SORCS2: variants seen among roughly 807,000 people sequenced by gnomAD.
The protein encoded by SORCS2 is sortilin related VPS10 domain containing receptor 2.
A neutral mutation model predicts 141.6 loss-of-function variants in SORCS2; 100 were observed. The observed-to-expected ratio is 0.71, with a 90% CI of 0.60 to 0.83. The LOEUF (loss-of-function observed/expected upper bound fraction) is 0.83, where lower values mean the gene tolerates loss of function less well. SORCS2 is among the 40% of genes least tolerant of loss of function. The probability of loss-of-function intolerance (pLI) is 0.00; values close to 1 mark genes in which losing one functional copy is unlikely to be tolerated. For missense variants in SORCS2, 1,646 were observed against 1,560.2 expected (o/e 1.05, Z -0.93); for synonymous variants, 789 against 676.9 (o/e 1.17, Z -2.57).
At chr4:7,523,091 C>T (rs1422618234) in intron 2 of SORCS2, among the ~76,000 whole-genome samples, 1 of 149,766 alleles carries the variant, frequency 6.7e-6, no homozygotes, top group African/African-American at 2.5e-5. Flanking sequence ...TCCCATTTCC[C>T]TCCTCCCTCT....
chr4:7,199,501 C>G (rs757193069), intron 1 of SORCS2, among the ~76,000 whole-genome samples: 4 of 152,082 alleles, frequency 2.6e-5, no homozygotes, highest in Non-Finnish European at 4.4e-5. Context: ...TGGCCATTGC[C>G]TGTGCTGTGA....
chr4:7,591,686 A>G (rs910350788), intron 3 of SORCS2, among the ~76,000 whole-genome samples: 6 of 152,114 alleles, frequency 3.9e-5, no homozygotes. Flanking sequence ...GTTAGCTCTG[A>G]AGAAAACCCC....
intron 4 of SORCS2, 61 bp downstream of exon 4, chr4:7,638,553 GA>G: frequency 6.6e-7 from 1 of 1,525,658 alleles, no homozygotes; most frequent in Non-Finnish European, 8.8e-7. Flanking sequence ...GACCCACCTG[GA>G]GGTGAGTGCC....
At position 7,723,575 on chromosome 4, in the gene SORCS2, C is replaced by A. The variant is rs575758510; in HGVS notation, c.2425-122C>A. 14 of 1,130,316 alleles carry A rather than the reference C, an allele frequency of 1.2e-5. 1 individual carries two copies. In the South Asian group the frequency reaches 1.7e-4, roughly 14 times the overall value. 70.0% of individuals were successfully genotyped at this position (1,130,316 alleles called of 1,614,324 possible). A position where few individuals can be genotyped will look rare whatever the true frequency, so the allele number is the denominator to read the frequency against. On this transcript the variant is annotated intron_variant, in intron 18 of 26. Transcript: ENST00000507866. The stretch of plus-strand genomic sequence containing the variant: ...CTCCTGTGGGTCCCCAGAGCCCACT[C>A]ATGTCAAGGAAGGGAGGGCGGCAAT...
intron 2 of SORCS2, among the ~76,000 whole-genome samples, chr4:7,486,707 C>A (rs1165537989): frequency 6.6e-6 from 1 of 152,166 alleles, no homozygotes. Flanking sequence ...AAAGGAGGAT[C>A]CCTCCTGGCT....
chr4:7,297,506 C>T (rs1332529340), intron 1 of SORCS2, among the ~76,000 whole-genome samples: 1 of 152,130 alleles, frequency 6.6e-6, no homozygotes, highest in Non-Finnish European at 1.5e-5. Flanking sequence ...TCCAGACAGC[C>T]TGGGCCCTGG....
At chr4:7,543,449 A>T (rs566191552) in intron 3 of SORCS2, among the ~76,000 whole-genome samples, 1 of 128,610 alleles carries the variant, frequency 7.8e-6, no homozygotes, top group Non-Finnish European at 1.7e-5. Flanking sequence ...CCACTCATCC[A>T]TCCATCCATC....
chr4:7,378,398 CAT>C (rs60298251), intron 1 of SORCS2, among the ~76,000 whole-genome samples: 17,120 of 152,126 alleles, frequency 0.11, 1,788 homozygotes, highest in East Asian at 0.61. Context: ...TACAGTTCCA[CAT>C]GGCTGGGGAG....
chr4:7,528,344 G>A (rs1014108594), intron 2 of SORCS2, among the ~76,000 whole-genome samples: 2 of 151,954 alleles, frequency 1.3e-5, no homozygotes, highest in African/African-American at 4.8e-5. Flanking sequence ...GATATCTGAG[G>A]AATTGGGTTT....
At chr4:7,640,311 TG>T (rs1226626154) in intron 4 of SORCS2, among the ~76,000 whole-genome samples, 86 of 149,428 alleles carry the variant, frequency 5.8e-4, no homozygotes, top group Non-Finnish European at 5.5e-4. Flanking sequence ...CATGAGTGTG[TG>T]GGTGTGTATG....
At chr4:7,571,903 A>G (rs935500797) in intron 3 of SORCS2, among the ~76,000 whole-genome samples, 5 of 152,196 alleles carry the variant, frequency 3.3e-5, no homozygotes, top group Non-Finnish European at 5.9e-5. Context: ...CAGAGCTGAC[A>G]CTTAGCTGCT....
At chr4:7,325,682 A>G (rs1331007993) in intron 1 of SORCS2, among the ~76,000 whole-genome samples, 1 of 152,194 alleles carries the variant, frequency 6.6e-6, no homozygotes, top group East Asian at 1.9e-4. Flanking sequence ...GCCCCTTGGC[A>G]GGGCTTTTCC....
intron 2 of SORCS2, among the ~76,000 whole-genome samples, chr4:7,491,305 GTGGTGCTGGGTGGCCCTGAGGCTGCAC>G (rs1305718182): frequency 6.6e-6 from 1 of 152,186 alleles, no homozygotes; most frequent in Non-Finnish European, 1.5e-5. Flanking sequence ...GAAGCCAGTT[GTGGTGCTGGGTGGCCCTGAGGCTGCAC>G]TGGGCTGGGG....
At chr4:7,331,520 C>T (rs55931784) in intron 1 of SORCS2, among the ~76,000 whole-genome samples, 25,383 of 152,054 alleles carry the variant, frequency 0.17, 2,692 homozygotes, top group East Asian at 0.38. Context: ...TCAGTTCAGC[C>T]ACAGGTGGGA....
At chr4:7,499,172 A>G (rs1400227272) in intron 2 of SORCS2, among the ~76,000 whole-genome samples, 1 of 151,790 alleles carries the variant, frequency 6.6e-6, no homozygotes, top group Non-Finnish European at 1.5e-5. Flanking sequence ...ATGTGAGTGC[A>G]TGTATGTGTA....
chr4:7,673,134 A>G (rs939219208), intron 8 of SORCS2, among the ~76,000 whole-genome samples: 1 of 152,252 alleles, frequency 6.6e-6, no homozygotes, highest in African/African-American at 2.4e-5. Flanking sequence ...CCTGTTATTT[A>G]TAACTCTAAT....
intron 1 of SORCS2, among the ~76,000 whole-genome samples, chr4:7,393,048 C>T (rs1723966551): frequency 6.6e-6 from 1 of 152,148 alleles, no homozygotes; most frequent in Admixed American, 6.5e-5. Flanking sequence ...ACTGCCTTCC[C>T]CACGGCCGGG....
intron 1 of SORCS2, among the ~76,000 whole-genome samples, chr4:7,287,867 C>T (rs1432609725): frequency 8.5e-5 from 13 of 152,206 alleles, no homozygotes; most frequent in Admixed American, 7.2e-4. Flanking sequence ...GCTGTTTCTT[C>T]CGCTATGGTA....
intron 3 of SORCS2, among the ~76,000 whole-genome samples, chr4:7,571,708 A>G (rs577462055): frequency 1.7e-4 from 26 of 152,252 alleles, no homozygotes; most frequent in Non-Finnish European, 3.4e-4. Context: ...CTAGCAGAGC[A>G]TGTCACCAGG....
Sources: allele counts gnomAD v4.1 joint callset (sites outside exome capture counted in the v4.1 genomes callset), GRCh38; gene constraint gnomAD v4.1.1; transcripts MANE v1.5; gene names NCBI Gene and HGNC (gene_info 2026-07-23, HGNC 2026-07-21).